The following SLC7A11 variants were observed in gnomAD, a reference collection of about 807,000 sequenced individuals.
The protein encoded by SLC7A11 is cystine/glutamate transporter.
SLC7A11 carries 35 observed loss-of-function variants against 54.5 expected under a neutral mutation model. The observed-to-expected ratio is 0.64, with a 90% CI of 0.49 to 0.85. SLC7A11 has a LOEUF of 0.85. Ranked by LOEUF, SLC7A11 falls within the 40% of genes least tolerant of loss-of-function variation. The probability of loss-of-function intolerance (pLI) is 0.00; values close to 1 mark genes in which losing one functional copy is unlikely to be tolerated. For synonymous variants in SLC7A11, 230 were observed against 225.2 expected (o/e 1.02, Z -0.19); for missense variants, 583 against 618.1 (o/e 0.94, Z 0.60).
At chr4:138,225,957 A>G (rs1290130065) in intron 3 of SLC7A11, among the ~76,000 whole-genome samples, 1 of 152,070 alleles carries the variant, frequency 6.6e-6, no homozygotes, top group Non-Finnish European at 1.5e-5. Flanking sequence ...TTTTGGAACA[A>G]CTAACTATAT....
intron 8 of SLC7A11, 149 bp from the exon 9 acceptor site, chr4:138,182,542 G>C: frequency 1.7e-6 from 1 of 595,242 alleles, no homozygotes; most frequent in South Asian, 2.1e-5. Flanking sequence ...TTCAAATAAG[G>C]TGGAGAAATA....
chr4:138,184,448 C>A (rs965333018), intron 7 of SLC7A11, among the ~76,000 whole-genome samples: 1 of 152,152 alleles, frequency 6.6e-6, no homozygotes, highest in South Asian at 2.1e-4. Flanking sequence ...CACAGAATAA[C>A]AGTCTTATAA....
intron 4 of SLC7A11, among the ~76,000 whole-genome samples, chr4:138,221,250 A>G (rs1041960493): frequency 6.6e-6 from 1 of 152,200 alleles, no homozygotes; most frequent in Non-Finnish European, 1.5e-5. Flanking sequence ...GAATTCAGGA[A>G]TATTTTGGCT....
intron 6 of SLC7A11, among the ~76,000 whole-genome samples, chr4:138,205,284 G>A (rs1351945609): frequency 6.6e-6 from 1 of 151,992 alleles, no homozygotes. Context: ...TATAAGTAAA[G>A]AAAATATTTT....
chr4:138,191,333 A>G (rs1019397007), intron 6 of SLC7A11, among the ~76,000 whole-genome samples: 2 of 152,198 alleles, frequency 1.3e-5, no homozygotes, highest in Non-Finnish European at 2.9e-5. Flanking sequence ...AAATTTCAAT[A>G]CCACTGATGT....
At chr4:138,189,364 G>T (rs147124666) in intron 6 of SLC7A11, among the ~76,000 whole-genome samples, 1 of 152,040 alleles carries the variant, frequency 6.6e-6, no homozygotes, top group Non-Finnish European at 1.5e-5. Context: ...AGTAATACCC[G>T]CAATTTTTAA....
chr4:138,236,602 A>C, intron 1 of SLC7A11, 151 bp from the exon 2 acceptor site: 1 of 698,294 alleles, frequency 1.4e-6, no homozygotes, highest in African/African-American at 1.8e-5. Flanking sequence ...AATAACCATC[A>C]TCTAATTGCT....
chr4:138,186,276 C>T (rs961914130), intron 6 of SLC7A11, among the ~76,000 whole-genome samples: 3 of 152,138 alleles, frequency 2.0e-5, no homozygotes, highest in Admixed American at 6.6e-5. Flanking sequence ...CTCACGGAGC[C>T]TTCACCCTGC....
intron 6 of SLC7A11, among the ~76,000 whole-genome samples, chr4:138,213,539 CT>C (rs138745460): frequency 1.1e-4 from 16 of 145,346 alleles, no homozygotes; most frequent in East Asian, 9.7e-4. Flanking sequence ...TCTCCTCTCT[CT>C]CTCTATCTCT....
rs910232636 is a variant in SLC7A11 at position 138,167,407 on chromosome 4, C to T, written c.*4549G>A. The T allele has an allele frequency of 3.3e-5, 5 of 152,076 alleles. No homozygotes were observed. Among genetic ancestry groups the T allele is most frequent in the Non-Finnish European group, 5.9e-5 (4 of 68,076 alleles). The allele number at this position is 152,076 out of a possible 1,614,324, so 9.4% of individuals were successfully genotyped here. A position where few individuals can be genotyped will look rare whatever the true frequency, so the allele number is the denominator to read the frequency against. ...CCTCAGGTGATTCGCCCGCCTCAGC[C>T]TCCCAAAGTGCTGGGATTACAGGCA... is the stretch of plus-strand genomic sequence containing the variant. On this transcript the variant is annotated 3_prime_UTR_variant, in exon 12 of 12. Coordinates refer to ENST00000280612, the MANE Select transcript of SLC7A11 (RefSeq NM_014331.4).
chr4:138,238,354 A>T (rs910832239), intron 1 of SLC7A11, among the ~76,000 whole-genome samples: 26 of 152,284 alleles, frequency 1.7e-4, no homozygotes, highest in South Asian at 1.2e-3. Context: ...AAGAAAATTT[A>T]AAAAAATCCT....
At position 138,171,585 on chromosome 4, in the gene SLC7A11, T is replaced by C. The variant is rs1736426297; in HGVS notation, c.*371A>G. On this transcript the variant is annotated 3_prime_UTR_variant, in exon 12 of 12. Coordinates refer to ENST00000280612, the MANE Select transcript of SLC7A11 (RefSeq NM_014331.4). Reference sequence around the variant, plus strand: ...CATCTATAGTGTGTAAAACCATCTTTACAAAACCCATATATACAGAAAAAT... The same window carrying C: ...CATCTATAGTGTGTAAAACCATCTTCACAAAACCCATATATACAGAAAAAT... 4.9e-6 allele frequency: 1 copy of C among 202,866 alleles called. No homozygotes were observed. The highest frequency in any genetic ancestry group is 9.7e-6 in the Non-Finnish European group (1 of 102,698). The allele number at this position is 202,866 out of a possible 1,614,324, so 12.6% of individuals were successfully genotyped here.
intron 7 of SLC7A11, among the ~76,000 whole-genome samples, chr4:138,184,381 G>C (rs190934400): frequency 6.6e-6 from 1 of 152,092 alleles, no homozygotes; most frequent in African/African-American, 2.4e-5. Flanking sequence ...TCATTGTTAT[G>C]AGGTCAAGAG....
rs200698259 is a variant in SLC7A11, at chr4:138,241,976, G to T, written c.94C>A (p.Pro32Thr). 15 of 1,614,160 alleles carry T rather than the reference G, an allele frequency of 9.3e-6. No individual in the cohort carries two copies. The African/African-American group carries it at 1.9e-4, about 20-fold the overall frequency. ...GRLPSLGNKE[P>T]PGQEKVQLKR... ...AGCTGCACTTTCTCCTGCCCAGGTG[G>T]CTCCTTGTTGCCCAGGGAAGGCAGC... Residue 32 changes from proline to threonine, a missense_variant, in exon 1 of 12, where the codon CCA becomes ACA. Physicochemically the swap from Pro to Thr is conservative, Grantham distance 38. Transcript: ENST00000280612.
intron 3 of SLC7A11, among the ~76,000 whole-genome samples, chr4:138,225,163 T>TATATATATATATAC (rs1737916556): frequency 7.0e-6 from 1 of 142,596 alleles, no homozygotes; most frequent in Non-Finnish European, 1.5e-5. Context: ...TATATATATA[T>TATATATATATATAC]ATATATATAA....
intron 3 of SLC7A11, among the ~76,000 whole-genome samples, chr4:138,224,301 C>T (rs1475655337): frequency 6.6e-6 from 1 of 152,112 alleles, no homozygotes; most frequent in Non-Finnish European, 1.5e-5. Flanking sequence ...ATACTCTTTC[C>T]ACAACCTTAT....
At chr4:138,240,590 G>A (rs1227616555) in intron 1 of SLC7A11, among the ~76,000 whole-genome samples, 1 of 147,510 alleles carries the variant, frequency 6.8e-6, no homozygotes, top group Non-Finnish European at 1.5e-5. Context: ...AATGGAATTT[G>A]AGTTCTCTAG....
chr4:138,231,902 A>T (rs1279318753), intron 3 of SLC7A11, among the ~76,000 whole-genome samples: 1 of 152,156 alleles, frequency 6.6e-6, no homozygotes. Context: ...CATAAAGGTA[A>T]CTCCATGATT....
At chr4:138,229,690 G>T (rs536427060) in intron 3 of SLC7A11, among the ~76,000 whole-genome samples, 22 of 152,116 alleles carry the variant, frequency 1.4e-4, no homozygotes, top group Admixed American at 1.2e-3. Flanking sequence ...TCAGAGATAC[G>T]AATTTTCCCT....
Sources: allele counts gnomAD v4.1 joint callset (sites outside exome capture counted in the v4.1 genomes callset), GRCh38; gene constraint gnomAD v4.1.1; transcripts MANE v1.5; gene names NCBI Gene and HGNC (gene_info 2026-07-23, HGNC 2026-07-21).